Variants in SYT6 observed in about 807,000 individuals in gnomAD.
SYT6 encodes the protein synaptotagmin-6.
Under a neutral mutation model 38.4 loss-of-function variants are expected in SYT6, and 24 were observed. That is an observed-to-expected ratio of 0.62 (90% CI 0.45 to 0.88). The LOEUF is 0.88. Ranked by LOEUF, SYT6 falls within the 40% of genes least tolerant of loss-of-function variation. The pLI, the probability that SYT6 is intolerant of heterozygous loss-of-function variation, is 0.00. For missense variants in SYT6, 611 were observed against 621.0 expected, an observed-to-expected ratio of 0.98 and a Z score of 0.17; for synonymous variants, 265 against 241.9, an observed-to-expected ratio of 1.10 and a Z score of -0.89.
At chr1:114,106,342 G>A (rs1337968644) in intron 3 of SYT6, among the ~76,000 whole-genome samples, 1 of 152,026 alleles carries the variant, frequency 6.6e-6, no homozygotes, top group Non-Finnish European at 1.5e-5. Context: ...AGCCCTGCGA[G>A]GTAGGTGCTC....
intron 3 of SYT6, among the ~76,000 whole-genome samples, chr1:114,108,486 C>T (rs902071849): frequency 1.3e-5 from 2 of 152,126 alleles, no homozygotes; most frequent in African/African-American, 2.4e-5. Flanking sequence ...AATCATTTCC[C>T]ATCTCTGGTC....
At chr1:114,101,307 C>G (rs1571823140) in intron 4 of SYT6, among the ~76,000 whole-genome samples, 1 of 152,258 alleles carries the variant, frequency 6.6e-6, no homozygotes. Context: ...GGGCAAAAGT[C>G]TGCGGTTTCT....
intron 4 of SYT6, 136 bp from the exon 5 acceptor site, chr1:114,099,401 T>A: frequency 3.6e-6 from 3 of 827,656 alleles, no homozygotes; most frequent in Non-Finnish European, 5.5e-6. Context: ...TTAAAATAAT[T>A]AAACCACCTT....
chr1:114,140,982 G>C (rs1489188647), intron 1 of SYT6, among the ~76,000 whole-genome samples: 1 of 152,172 alleles, frequency 6.6e-6, no homozygotes, highest in African/African-American at 2.4e-5. Flanking sequence ...CAACCTAATT[G>C]ATAAATGTTG....
intron 7 of SYT6, 97 bp downstream of exon 7, chr1:114,093,638 A>C (rs1675449441): frequency 8.4e-7 from 1 of 1,187,924 alleles, no homozygotes; most frequent in Non-Finnish European, 1.2e-6. Context: ...TTTCCACTCC[A>C]TCCTGCTGCT....
intron 6 of SYT6, among the ~76,000 whole-genome samples, chr1:114,095,426 C>T (rs1246198367): frequency 6.6e-6 from 1 of 152,202 alleles, no homozygotes; most frequent in African/African-American, 2.4e-5. Context: ...CAACACCCCA[C>T]CCCCAGCTGT....
intron 3 of SYT6, among the ~76,000 whole-genome samples, chr1:114,124,281 C>T (rs1487531569): frequency 2.6e-5 from 4 of 152,184 alleles, no homozygotes; most frequent in East Asian, 1.9e-4. Flanking sequence ...CCCCACTGCT[C>T]CTGGAAATGA....
chr1:114,135,360 C>T (rs1490455197), intron 3 of SYT6, among the ~76,000 whole-genome samples: 2 of 152,188 alleles, frequency 1.3e-5, no homozygotes, highest in Admixed American at 6.5e-5. Context: ...GCACTACCAG[C>T]TACTGCATGG....
intron 1 of SYT6, among the ~76,000 whole-genome samples, chr1:114,148,007 C>T (rs189204338): frequency 1.2e-3 from 184 of 152,272 alleles, no homozygotes; most frequent in African/African-American, 4.4e-3. Flanking sequence ...GGACGTCAGG[C>T]CCCTCTTCTC....
intron 3 of SYT6, among the ~76,000 whole-genome samples, chr1:114,126,298 C>T (rs1396197355): frequency 6.6e-6 from 1 of 152,198 alleles, no homozygotes; most frequent in African/African-American, 2.4e-5. Context: ...GGAGTCATAA[C>T]ACCATGGTCC....
intron 3 of SYT6, among the ~76,000 whole-genome samples, chr1:114,118,020 G>A (rs1488247865): frequency 6.6e-6 from 1 of 152,200 alleles, no homozygotes; most frequent in African/African-American, 2.4e-5. Context: ...GGCCGCTAGT[G>A]GGTTGGCTTC....
chr1:114,124,969 C>T (rs34920298), intron 3 of SYT6, among the ~76,000 whole-genome samples: 105 of 152,318 alleles, frequency 6.9e-4, no homozygotes, highest in African/African-American at 2.4e-3. Context: ...CACTTACAGC[C>T]TGGCACACAG....
intron 3 of SYT6, among the ~76,000 whole-genome samples, chr1:114,109,832 T>C (rs181903506): frequency 6.6e-6 from 1 of 151,896 alleles, no homozygotes; most frequent in Non-Finnish European, 1.5e-5. Context: ...CCAAAGAGGG[T>C]GATATTTGAT....
chr1:114,129,621 CTTTCTTT>C (rs1557756316), intron 3 of SYT6, among the ~76,000 whole-genome samples: 10 of 48,264 alleles, frequency 2.1e-4, no homozygotes, highest in African/African-American at 6.5e-4. Context: ...TCTTTCCTTT[CTTTCTTT>C]CTTTCTTTCT....
intron 3 of SYT6, among the ~76,000 whole-genome samples, chr1:114,132,913 G>A (rs963813000): frequency 6.6e-5 from 10 of 152,172 alleles, no homozygotes; most frequent in African/African-American, 2.2e-4. Context: ...ATGTCCCAAG[G>A]TTTTAAAGCT....
intron 3 of SYT6, among the ~76,000 whole-genome samples, chr1:114,128,528 T>C (rs1013312967): frequency 5.3e-5 from 8 of 152,094 alleles, no homozygotes; most frequent in African/African-American, 1.9e-4. Flanking sequence ...CTCCAGAAAA[T>C]TCCCCCAGAA....
chr1:114,116,711 C>T (rs550815862), intron 3 of SYT6, among the ~76,000 whole-genome samples: 15 of 152,304 alleles, frequency 9.8e-5, no homozygotes, highest in African/African-American at 3.6e-4. Context: ...CTTACCCAGT[C>T]CCAGCTTCCC....
At chr1:114,098,580 A>G (rs1675785496) in intron 5 of SYT6, among the ~76,000 whole-genome samples, 1 of 152,202 alleles carries the variant, frequency 6.6e-6, no homozygotes, top group Non-Finnish European at 1.5e-5. Flanking sequence ...AGTCCAAGGG[A>G]AAAGCCTGGA....
In SYT6 at chr1:114,091,288, A is replaced by G. The variant is rs35720010; in HGVS notation, c.*846T>C. ...ATGTGATCATTAACTGTGGCGCATC[A>G]GAAAACATATGGCGTGTTTAGTTTC... On this transcript the variant is annotated 3_prime_UTR_variant, in exon 8 of 8. Transcript: ENST00000610222. The G allele has an allele frequency of 0.079, 12,078 of 152,838 alleles. 713 individuals carry two copies. Among genetic ancestry groups the G allele is most frequent in the African/African-American group, 0.14 (5,980 of 41,544 alleles). 9.5% of individuals were successfully genotyped at this position (152,838 alleles called of 1,614,324 possible).
Sources: gnomAD v4.1 joint callset for allele counts (sites outside exome capture counted in the v4.1 genomes callset) on GRCh38, gnomAD v4.1.1 for gene constraint, MANE v1.5 for transcripts, NCBI Gene and HGNC (gene_info 2026-07-23, HGNC 2026-07-21) for gene names.